RABGEF1: variants seen among roughly 807,000 people sequenced by gnomAD.
The protein encoded by RABGEF1 is RAB guanine nucleotide exchange factor 1.
RABGEF1 carries 26 observed loss-of-function variants against 57.3 expected under a neutral mutation model. The ratio of observed to expected loss-of-function variants is 0.45; its 90% confidence interval spans 0.33 to 0.63. The LOEUF (loss-of-function observed/expected upper bound fraction) is 0.63, where lower values mean the gene tolerates loss of function less well. Among genes scored for constraint, RABGEF1 ranks in the 20% least tolerant of loss-of-function variants. RABGEF1 has a pLI of 0.02. For missense variants in RABGEF1, 464 were observed against 607.6 expected, an observed-to-expected ratio of 0.76 and a Z score of 2.48; for synonymous variants, 185 against 210.7, an observed-to-expected ratio of 0.88 and a Z score of 1.06.
chr7:66,731,452 C>A lies in RABGEF1; in HGVS notation c.-814-8544C>A, dbSNP rs141891016. Among the ~76,000 whole-genome samples, 188 of 152,176 alleles carry A rather than the reference C, an allele frequency of 1.2e-3. 1 individual carries two copies. The Middle Eastern group carries it at 0.037, about 30-fold the overall frequency. On this transcript the variant is annotated intron_variant and NMD_transcript_variant, in intron 2 of 9. Coordinates refer to the RABGEF1 transcript ENST00000607882. ...ATCTTGGAGGCTGTGCATGATGGCT[C>A]ACACCTGTAATCTCAGCAGTTTGGG...
chr7:66,713,154 T>A (rs1454878173), intron 2 of RABGEF1, among the ~76,000 whole-genome samples: 1 of 150,990 alleles, frequency 6.6e-6, no homozygotes, highest in Non-Finnish European at 1.5e-5. Context: ...CTTTTTTTTT[T>A]TTTTTGAGAC....
At chr7:66,693,797 C>G (rs1271805776) in intron 1 of RABGEF1, among the ~76,000 whole-genome samples, 1 of 151,034 alleles carries the variant, frequency 6.6e-6, no homozygotes, top group Non-Finnish European at 1.5e-5. Flanking sequence ...TCAGTAAACT[C>G]TTTCCTTTTT....
chr7:66,755,956 G>GACATTC (rs1802606762), intron 1 of RABGEF1: 2 of 850,896 alleles, frequency 2.4e-6, no homozygotes, highest in East Asian at 5.7e-5. Flanking sequence ...CTCTGACATT[G>GACATTC]ACATTCACAT....
At chr7:66,687,435 G>A (rs1470798923) in intron 1 of RABGEF1, among the ~76,000 whole-genome samples, 2 of 148,460 alleles carry the variant, frequency 1.3e-5, no homozygotes, top group South Asian at 2.1e-4. Flanking sequence ...CCTTATCTTG[G>A]ATTTCCAGAC....
chr7:66,733,087 G>T (rs768605306), intron 2 of RABGEF1, among the ~76,000 whole-genome samples: 1 of 152,294 alleles, frequency 6.6e-6, no homozygotes, highest in Non-Finnish European at 1.5e-5. Flanking sequence ...TGGCCCCTAA[G>T]GCATTGGTGC....
intron 4 of RABGEF1, among the ~76,000 whole-genome samples, chr7:66,788,844 A>T (rs1811873613): frequency 6.6e-6 from 1 of 152,112 alleles, no homozygotes; most frequent in Non-Finnish European, 1.5e-5. Context: ...AATCCCAGCT[A>T]CTAGGGAGGC....
intron 1 of RABGEF1, among the ~76,000 whole-genome samples, chr7:66,761,902 T>C (rs1804468769): frequency 6.6e-6 from 1 of 151,878 alleles, no homozygotes; most frequent in Non-Finnish European, 1.5e-5. Context: ...AATACAAAAA[T>C]TAGCTGGGCA....
At chr7:66,807,616 T>A (rs1788726827) in intron 8 of RABGEF1, among the ~76,000 whole-genome samples, 1 of 152,220 alleles carries the variant, frequency 6.6e-6, no homozygotes, top group African/African-American at 2.4e-5. Context: ...TATAATTTGT[T>A]CAGAGCTACT....
intron 1 of RABGEF1, among the ~76,000 whole-genome samples, chr7:66,755,577 A>C (rs1415664232): frequency 1.3e-5 from 2 of 152,202 alleles, no homozygotes; most frequent in Non-Finnish European, 2.9e-5. Context: ...AGTTAGGAGA[A>C]ATAATTTTTG....
intron 1 of RABGEF1, among the ~76,000 whole-genome samples, chr7:66,682,631 C>T (rs1388870851): frequency 6.6e-6 from 1 of 152,182 alleles, no homozygotes; most frequent in Admixed American, 6.5e-5. Context: ...TCTGTGGTCG[C>T]GCGGGACCCA....
chr7:66,763,321 G>A (rs1804909004), intron 1 of RABGEF1, among the ~76,000 whole-genome samples: 2 of 152,188 alleles, frequency 1.3e-5, no homozygotes, highest in Admixed American at 6.5e-5. Flanking sequence ...AGATGCACTC[G>A]TGTTGGCAGA....
chr7:66,746,106 T>C lies in RABGEF1; in HGVS notation c.-18+5314T>C, dbSNP rs568872544. On this transcript the variant is annotated intron_variant, in intron 1 of 8. Transcript: ENST00000284957. ...AATGATCTGGACTATTGTTACAATATGTAAACATGTGAAATAACAGTTATC... is the reference window on the plus strand; with the variant it reads ...AATGATCTGGACTATTGTTACAATACGTAAACATGTGAAATAACAGTTATC... Among the ~76,000 whole-genome samples the C allele has an allele frequency of 6.0e-4, 91 of 152,340 alleles. 1 individual carries two copies. In the South Asian group the frequency reaches 0.012, roughly 20 times the overall value.
intron 1 of RABGEF1, among the ~76,000 whole-genome samples, chr7:66,685,914 C>T (rs1790553953): frequency 6.6e-6 from 1 of 152,144 alleles, no homozygotes; most frequent in Non-Finnish European, 1.5e-5. Flanking sequence ...TAGGAAATAC[C>T]TGTGTAAACC....
chr7:66,737,443 A>C (rs2244022), upstream of RABGEF1, among the ~76,000 whole-genome samples: 95 of 139,370 alleles, frequency 6.8e-4, 1 homozygote, highest in South Asian at 0.012. Context: ...GAGACTGGGT[A>C]GGGGGGGGCA....
chr7:66,746,683 G>A (rs1204637581), intron 1 of RABGEF1, among the ~76,000 whole-genome samples: 4 of 146,972 alleles, frequency 2.7e-5, no homozygotes, highest in Non-Finnish European at 4.5e-5. Flanking sequence ...GAGTGTGGTG[G>A]CACGATCTCT....
At chr7:66,726,763 G>A (rs963585234) in intron 2 of RABGEF1, among the ~76,000 whole-genome samples, 1 of 152,122 alleles carries the variant, frequency 6.6e-6, no homozygotes, top group Non-Finnish European at 1.5e-5. Context: ...CAACCCTTTG[G>A]GAGGCTGAGG....
At chr7:66,658,246 A>G in the RABGEF1 span, among the ~76,000 whole-genome samples, 3 of 152,212 alleles carry the variant, frequency 2.0e-5, no homozygotes. Flanking sequence ...AAATATGGGT[A>G]AACCAACCAG....
intron 1 of RABGEF1, among the ~76,000 whole-genome samples, chr7:66,761,700 A>G (rs1804399067): frequency 6.6e-6 from 1 of 152,150 alleles, no homozygotes; most frequent in Admixed American, 6.5e-5. Flanking sequence ...TGGGGCAGGT[A>G]AAAGGAGGGT....
At chr7:66,759,788 A>G (rs1209642200) in intron 1 of RABGEF1, among the ~76,000 whole-genome samples, 3 of 152,224 alleles carry the variant, frequency 2.0e-5, no homozygotes, top group African/African-American at 7.2e-5. Flanking sequence ...CCCCATGATC[A>G]GATCACCTTT....
Sources: gnomAD v4.1 joint callset for allele counts (sites outside exome capture counted in the v4.1 genomes callset) on GRCh38, gnomAD v4.1.1 for gene constraint, MANE v1.5 for transcripts, NCBI Gene and HGNC (gene_info 2026-07-23, HGNC 2026-07-21) for gene names.